Variants in CLIC5 observed in about 807,000 individuals in gnomAD.
The protein encoded by CLIC5 is chloride intracellular channel protein 5.
A neutral mutation model predicts 24.7 loss-of-function variants in CLIC5; 20 were observed. That is an observed-to-expected ratio of 0.81 (90% CI 0.57 to 1.18). The LOEUF is 1.18. CLIC5 is among the 50% of genes most tolerant of loss of function. CLIC5 has a pLI of 0.00. For synonymous variants in CLIC5, 159 were observed against 135.6 expected, an observed-to-expected ratio of 1.17 and a Z score of -1.20; for missense variants, 341 against 326.1, an observed-to-expected ratio of 1.05 and a Z score of -0.35.
intron 5 of CLIC5, among the ~76,000 whole-genome samples, chr6:45,906,773 G>T (rs972493696): frequency 2.0e-5 from 3 of 152,022 alleles, no homozygotes; most frequent in Non-Finnish European, 4.4e-5. Flanking sequence ...TGTTGGTCAG[G>T]CTGGTCTCGA....
At chr6:46,060,695 C>T (rs796212647) in intron 1 of CLIC5, among the ~76,000 whole-genome samples, 5 of 152,164 alleles carry the variant, frequency 3.3e-5, no homozygotes, top group African/African-American at 1.2e-4. Flanking sequence ...GAATCTCTTC[C>T]CTGATCCTAC....
chr6:46,116,189 T>G, the CLIC5 span, among the ~76,000 whole-genome samples: 4 of 150,808 alleles, frequency 2.7e-5, no homozygotes, highest in East Asian at 7.7e-4. Flanking sequence ...GTATAACCAT[T>G]AGCAAGACCA....
At position 46,052,138 on chromosome 6, in the gene CLIC5, A is replaced by C. The variant is rs549007218; in HGVS notation, c.540+27565T>G. Among the ~76,000 whole-genome samples, 676 of 149,110 alleles carry C rather than the reference A, an allele frequency of 4.5e-3. 2 individuals are homozygous for C. The highest frequency in any genetic ancestry group is 0.015 in the African/African-American group (622 of 40,272). On this transcript the variant is annotated intron_variant, in intron 1 of 5. Transcript: ENST00000185206. Reference sequence around the variant, plus strand: ...TGAGATTTCCCTGAAAAAAAAAAAAAGAAGAAATTCTTGTGGTCAAATAAT... The same window carrying C: ...TGAGATTTCCCTGAAAAAAAAAAAACGAAGAAATTCTTGTGGTCAAATAAT...
chr6:46,042,888 T>C (rs1346027513), intron 1 of CLIC5, among the ~76,000 whole-genome samples: 1 of 152,160 alleles, frequency 6.6e-6, no homozygotes, highest in Non-Finnish European at 1.5e-5. Context: ...TTCTGTGCTC[T>C]ACTACATGCC....
At chr6:45,948,722 C>G (rs765377271) in intron 3 of CLIC5, among the ~76,000 whole-genome samples, 1 of 152,164 alleles carries the variant, frequency 6.6e-6, no homozygotes, top group Non-Finnish European at 1.5e-5. Context: ...GGTCTATACT[C>G]TCCCTGAACC....
chr6:45,912,502 G>A, intron 5 of CLIC5: 1 of 1,345,474 alleles, frequency 7.4e-7, no homozygotes, highest in South Asian at 1.6e-5. Flanking sequence ...CAAGAGAAAA[G>A]GAAAGAAGGA....
chr6:45,917,465 C>T (rs1447726531), intron 4 of CLIC5, among the ~76,000 whole-genome samples: 1 of 152,098 alleles, frequency 6.6e-6, no homozygotes, highest in African/African-American at 2.4e-5. Flanking sequence ...TTAAGAAGCT[C>T]CAAATTTGTG....
chr6:46,056,669 C>A (rs1354626881), intron 1 of CLIC5, among the ~76,000 whole-genome samples: 1 of 152,072 alleles, frequency 6.6e-6, no homozygotes, highest in East Asian at 1.9e-4. Flanking sequence ...CCACAGAGAC[C>A]AATGTTAATT....
the CLIC5 span, among the ~76,000 whole-genome samples, chr6:46,106,508 G>A: frequency 6.6e-6 from 1 of 151,940 alleles, no homozygotes; most frequent in South Asian, 2.1e-4. Flanking sequence ...GCTTTTTTGG[G>A]GCCCAATTTG....
chr6:45,908,190 T>G (rs182821447), intron 5 of CLIC5, among the ~76,000 whole-genome samples: 14 of 152,250 alleles, frequency 9.2e-5, no homozygotes, highest in Non-Finnish European at 1.5e-4. Context: ...AGCTAATGGT[T>G]TATGGATCTT....
chr6:46,111,691 C>T, the CLIC5 span, among the ~76,000 whole-genome samples: 1 of 152,140 alleles, frequency 6.6e-6, no homozygotes, highest in African/African-American at 2.4e-5. Flanking sequence ...ATATACAAAA[C>T]ATTTTAAAGT....
At chr6:46,047,850 A>G (rs1767995758) in intron 1 of CLIC5, among the ~76,000 whole-genome samples, 1 of 152,226 alleles carries the variant, frequency 6.6e-6, no homozygotes, top group South Asian at 2.1e-4. Context: ...AAAACAGAAA[A>G]AACAGTATTA....
At position 46,015,792 on chromosome 6, in the gene CLIC5, T is replaced by G. The variant is rs1174917615; in HGVS notation, c.-250A>C. The G allele has an allele frequency of 3.3e-6, 4 of 1,210,808 alleles. No individual in the cohort carries two copies. The highest frequency in any genetic ancestry group is 4.1e-6 in the Non-Finnish European group (4 of 973,976). The allele number at this position is 1,210,808 out of a possible 1,614,324, so 75.0% of individuals were successfully genotyped here. ...CACGGGGAAAGCCGGGTTAAGGGAA[T>G]GACAACAGGTCGTGGGAGCAACAAG... On this transcript the variant is annotated 5_prime_UTR_variant, in exon 1 of 6. Transcript: ENST00000339561.
chr6:45,994,367 G>T (rs1766050793), intron 1 of CLIC5, among the ~76,000 whole-genome samples: 1 of 152,124 alleles, frequency 6.6e-6, no homozygotes, highest in Admixed American at 6.6e-5. Flanking sequence ...GGAAGCCATT[G>T]TCCTCAGCAA....
downstream of CLIC5, among the ~76,000 whole-genome samples, chr6:45,897,116 G>A (rs1023280142): frequency 3.9e-5 from 6 of 152,130 alleles, no homozygotes; most frequent in Admixed American, 2.0e-4. Context: ...CTCTTGCTGC[G>A]TTTTGCAGCA....
At chr6:45,904,400 G>A (rs1255199925) in intron 5 of CLIC5, among the ~76,000 whole-genome samples, 1 of 151,792 alleles carries the variant, frequency 6.6e-6, no homozygotes, top group Admixed American at 6.6e-5. Context: ...TCTAGCTGCG[G>A]CAGCTTCATG....
chr6:45,908,910 C>A (rs1295172493), intron 5 of CLIC5, among the ~76,000 whole-genome samples: 2 of 152,102 alleles, frequency 1.3e-5, no homozygotes, highest in African/African-American at 2.4e-5. Context: ...GTTGCTAAGT[C>A]TTTTCATAGG....
At chr6:46,110,276 C>G in the CLIC5 span, among the ~76,000 whole-genome samples, 1 of 152,192 alleles carries the variant, frequency 6.6e-6, no homozygotes, top group East Asian at 1.9e-4. Context: ...GCCTTCGTAG[C>G]CTCCATGATT....
intron 1 of CLIC5, among the ~76,000 whole-genome samples, chr6:46,027,937 C>T (rs1288397214): frequency 1.3e-5 from 2 of 152,168 alleles, no homozygotes; most frequent in Admixed American, 6.5e-5. Flanking sequence ...TTTTACCTTG[C>T]TCTTTTGTCA....
Sources: gnomAD v4.1 joint callset for allele counts (sites outside exome capture counted in the v4.1 genomes callset) on GRCh38, gnomAD v4.1.1 for gene constraint, MANE v1.5 for transcripts, NCBI Gene and HGNC (gene_info 2026-07-23, HGNC 2026-07-21) for gene names.